E2F3: variants seen among roughly 807,000 people sequenced by gnomAD.
The protein encoded by E2F3 is transcription factor E2F3.
In E2F3, 11 loss-of-function variants were observed where a neutral mutation model predicts 44.4. The ratio of observed to expected loss-of-function variants is 0.25; its 90% CI spans 0.16 to 0.41. The LOEUF (loss-of-function observed/expected upper bound fraction) is 0.41, where lower values mean the gene tolerates loss of function less well. Ranked by LOEUF, E2F3 falls within the 10% of genes least tolerant of loss-of-function variation. The pLI is 1.00. For missense variants in E2F3, 487 were observed against 583.6 expected, an observed-to-expected ratio of 0.83 and a Z score of 1.70; for synonymous variants, 249 against 253.0, an observed-to-expected ratio of 0.98 and a Z score of 0.15.
In E2F3 at chr6:20,451,486, G is replaced by A. The variant is rs1761130061; in HGVS notation, c.394-28360G>A. On this transcript the variant is annotated intron_variant, in intron 1 of 6. Coordinates refer to ENST00000346618, the MANE Select transcript of E2F3 (RefSeq NM_001949.5). The stretch of plus-strand genomic sequence containing the variant: ...GAGACTATGGGGTTTTCTAGATATA[G>A]AATCATGTTGTCTGCAAACAGAGGG... Among the ~76,000 whole-genome samples the A allele has an allele frequency of 2.0e-5, 3 of 152,226 alleles. No individual in the cohort carries two copies. In the South Asian group the frequency reaches 6.2e-4, roughly 32 times the overall value.
chr6:20,490,477 T>C lies in E2F3; in HGVS notation c.*47T>C. The C allele has an allele frequency of 6.6e-7, 1 of 1,516,262 alleles. No homozygotes were observed. 93.9% of individuals were successfully genotyped at this position (1,516,262 alleles called of 1,614,324 possible). A position where few individuals can be genotyped will look rare whatever the true frequency, so the allele number is the denominator to read the frequency against. On this transcript the variant is annotated 3_prime_UTR_variant, in exon 7 of 7. Transcript: ENST00000346618. This position sits in a 1 kb window ranked among gnomAD's most constrained non-coding sequence, Gnocchi z 4.3. The stretch of plus-strand genomic sequence containing the variant: ...CTTAAAAACCGATATTTTTTTATCA[T>C]GGAACCAGAACATCTGTCATGCAGT...
In E2F3 at chr6:20,474,562, G is replaced by A. The variant is rs756370443; in HGVS notation, c.394-5284G>A. ...CAATGAATACCTCTCCAATCAGTACGATGCTCACGCTGTGAACTAACAAAA... is the reference window on the plus strand; with the variant it reads ...CAATGAATACCTCTCCAATCAGTACAATGCTCACGCTGTGAACTAACAAAA... On this transcript the variant is annotated intron_variant, in intron 1 of 6. Transcript: ENST00000346618. Among the ~76,000 whole-genome samples, 7 of 152,266 alleles carry A rather than the reference G, an allele frequency of 4.6e-5. No homozygotes were observed. The South Asian group carries it at 1.4e-3, about 32-fold the overall frequency.
chr6:20,488,613 G>T (rs1250907813), intron 6 of E2F3, among the ~76,000 whole-genome samples: 7 of 152,276 alleles, frequency 4.6e-5, no homozygotes. Flanking sequence ...AAATGAAAAA[G>T]GTTTGAGGAG....
In E2F3 at chr6:20,402,157, C is replaced by T; in HGVS notation, c.-76C>T. 2.0e-6 allele frequency: 3 copies of T among 1,473,012 alleles called. No homozygotes were observed. Among genetic ancestry groups the T allele is most frequent in the South Asian group, 2.9e-5 (2 of 69,464 alleles). The allele number at this position is 1,473,012 out of a possible 1,614,324, so 91.2% of individuals were successfully genotyped here. A position where few individuals can be genotyped will look rare whatever the true frequency, so the allele number is the denominator to read the frequency against. ...GAGAGAAGGAGGAGAGACTTGGAAA[C>T]TCCGACTGCAAATAATAAAGAAATT... On this transcript the variant is annotated 5_prime_UTR_variant, in exon 1 of 7. Transcript: ENST00000346618. The surrounding 1 kb of genome is among the most constrained non-coding windows in gnomAD (Gnocchi z 5.6).
At chr6:20,408,156 A>G (rs1297678372) in intron 1 of E2F3, among the ~76,000 whole-genome samples, 2 of 152,264 alleles carry the variant, frequency 1.3e-5, no homozygotes, top group Non-Finnish European at 2.9e-5. Context: ...ACAATGGAAG[A>G]TAACTGGGAA....
chr6:20,485,755 A>G (rs937812582), intron 4 of E2F3, among the ~76,000 whole-genome samples: 1 of 152,248 alleles, frequency 6.6e-6, no homozygotes, highest in African/African-American at 2.4e-5. Context: ...TAATTTTTCT[A>G]ACAGAAATAA....
At chr6:20,476,276 CAGG>C (rs763593791) in intron 1 of E2F3, among the ~76,000 whole-genome samples, 2 of 151,948 alleles carry the variant, frequency 1.3e-5, no homozygotes, top group Non-Finnish European at 2.9e-5. Flanking sequence ...GAGGCTGAGG[CAGG>C]AGAATGGCAT....
chr6:20,479,270 G>GA (rs1320029209), intron 1 of E2F3, among the ~76,000 whole-genome samples: 2 of 152,182 alleles, frequency 1.3e-5, no homozygotes, highest in Non-Finnish European at 2.9e-5. Context: ...GAGAGTGATT[G>GA]AAAATCTACA....
rs1761727005 is a variant in E2F3 at position 20,466,765 on chromosome 6, C to T, written c.394-13081C>T. On this transcript the variant is annotated intron_variant, in intron 1 of 6. Transcript: ENST00000346618. Reference sequence around the variant, plus strand: ...TGGCGCAATCTCTGCTCACTGCAATCTCCGCCTGCCGGGTTCAAGCAGTTC... The same window carrying T: ...TGGCGCAATCTCTGCTCACTGCAATTTCCGCCTGCCGGGTTCAAGCAGTTC... Among the ~76,000 whole-genome samples the T allele has an allele frequency of 4.0e-5, 6 of 151,058 alleles. No individual in the cohort carries two copies. The South Asian group carries it at 1.0e-3, about 26-fold the overall frequency.
At chr6:20,470,562 G>A (rs568346721) in intron 1 of E2F3, among the ~76,000 whole-genome samples, 3 of 152,282 alleles carry the variant, frequency 2.0e-5, no homozygotes, top group African/African-American at 7.2e-5. Context: ...TTATTTCACT[G>A]ATGTACTTAA....
At chr6:20,441,717 C>G (rs894236950) in intron 1 of E2F3, among the ~76,000 whole-genome samples, 4 of 140,736 alleles carry the variant, frequency 2.8e-5, no homozygotes, top group Non-Finnish European at 6.2e-5. Context: ...TGAGATCACG[C>G]GTGGGTAATT....
At chr6:20,465,779 T>TC (rs1374341284) in intron 1 of E2F3, among the ~76,000 whole-genome samples, 1 of 152,070 alleles carries the variant, frequency 6.6e-6, no homozygotes, top group African/African-American at 2.4e-5. Flanking sequence ...TGCCATTAAT[T>TC]CATTTTTTAT....
chr6:20,438,657 A>C (rs536708266), intron 1 of E2F3, among the ~76,000 whole-genome samples: 8 of 152,296 alleles, frequency 5.3e-5, no homozygotes, highest in Admixed American at 1.3e-4. Context: ...AAACCACCTA[A>C]GCACAGCTTT....
rs1055993959 is a variant in E2F3, at chr6:20,491,659, C to T, written c.*1229C>T. ...AGGATGGGGTCAGATGGAGAGACCT[C>T]TAGGGAGAAAGACATCCCCATTGTG... On this transcript the variant is annotated 3_prime_UTR_variant, in exon 7 of 7. Transcript: ENST00000346618. 8.5e-5 allele frequency: 16 copies of T among 187,880 alleles called. No homozygotes were observed. Among genetic ancestry groups the T allele is most frequent in the African/African-American group, 3.7e-4 (16 of 42,744 alleles). 11.6% of individuals were successfully genotyped at this position (187,880 alleles called of 1,614,324 possible). A position where few individuals can be genotyped will look rare whatever the true frequency, so the allele number is the denominator to read the frequency against.
intron 1 of E2F3, among the ~76,000 whole-genome samples, chr6:20,414,071 G>A (rs756597474): frequency 6.6e-6 from 1 of 152,172 alleles, no homozygotes; most frequent in Non-Finnish European, 1.5e-5. Flanking sequence ...GCTGAGCACC[G>A]GAAGTGGGAC....
chr6:20,442,829 G>T (rs919071669), intron 1 of E2F3, among the ~76,000 whole-genome samples: 1 of 152,050 alleles, frequency 6.6e-6, no homozygotes, highest in Admixed American at 6.6e-5. Flanking sequence ...AATTGGCCGG[G>T]CATGGTGGCA....
At chr6:20,424,898 C>A (rs902465009) in intron 1 of E2F3, among the ~76,000 whole-genome samples, 6 of 152,150 alleles carry the variant, frequency 3.9e-5, no homozygotes, top group African/African-American at 1.4e-4. Context: ...GGGTTCCAGA[C>A]CAAGTCCAGG....
rs761855715 is a variant in E2F3, at chr6:20,488,262, T to A, written c.1135+14T>A. The A allele has an allele frequency of 6.4e-7, 1 of 1,572,592 alleles. No homozygotes were observed. Among genetic ancestry groups the A allele is most frequent in the Non-Finnish European group, 8.6e-7 (1 of 1,166,728 alleles). Reference sequence around the variant, plus strand: ...CCGCTTCCAAAGGTAAAAACTCCACTTTTGTCTTTTAGAAACTATGTTAAA... The same window carrying A: ...CCGCTTCCAAAGGTAAAAACTCCACATTTGTCTTTTAGAAACTATGTTAAA... On this transcript the variant is annotated intron_variant, in intron 6 of 6. Transcript: ENST00000346618.
At chr6:20,461,566 G>A (rs1396383967) in intron 1 of E2F3, among the ~76,000 whole-genome samples, 1 of 152,134 alleles carries the variant, frequency 6.6e-6, no homozygotes, top group Non-Finnish European at 1.5e-5. Context: ...TACTTTGCCT[G>A]TGTTGTGTAT....
Sources: gnomAD v4.1 joint callset for allele counts (sites outside exome capture counted in the v4.1 genomes callset) on GRCh38, gnomAD v4.1.1 for gene constraint, Gnocchi (gnomAD v3.1) non-coding constraint, MANE v1.5 for transcripts, NCBI Gene and HGNC (gene_info 2026-07-23, HGNC 2026-07-21) for gene names.